The following PID1 variants were observed in gnomAD, a reference collection of about 807,000 sequenced individuals.
The protein encoded by PID1 is PTB-containing, cubilin and LRP1-interacting protein.
In PID1, 10 loss-of-function variants were observed where a neutral mutation model predicts 19.1. The ratio of observed to expected loss-of-function variants is 0.52; its 90% CI spans 0.32 to 0.89. PID1 has a LOEUF of 0.89. Among genes scored for constraint, PID1 ranks in the 40% least tolerant of loss-of-function variants. The pLI, the probability that PID1 is intolerant of heterozygous loss-of-function variation, is 0.03. For missense variants in PID1, 248 were observed against 285.3 expected (o/e 0.87, Z 0.94); for synonymous variants, 130 against 116.0 (o/e 1.12, Z -0.78).
At chr2:229,080,286 T>C (rs537687319) in intron 2 of PID1, among the ~76,000 whole-genome samples, 5 of 152,322 alleles carry the variant, frequency 3.3e-5, no homozygotes, top group African/African-American at 1.2e-4. Flanking sequence ...ATCTGGCTTC[T>C]ACCTACCTTT....
chr2:229,221,505 C>A (rs538141900), intron 1 of PID1, among the ~76,000 whole-genome samples: 170 of 152,260 alleles, frequency 1.1e-3, no homozygotes, highest in African/African-American at 4.0e-3. Flanking sequence ...ATCTGCACAT[C>A]TACCTCAAAC....
At chr2:229,178,514 T>C (rs944261194) in intron 1 of PID1, among the ~76,000 whole-genome samples, 1 of 152,216 alleles carries the variant, frequency 6.6e-6, no homozygotes, top group African/African-American at 2.4e-5. Flanking sequence ...GATTATCTTA[T>C]TGTCCCAACA....
chr2:229,190,877 AT>A (rs1691246684), intron 1 of PID1, among the ~76,000 whole-genome samples: 1 of 152,180 alleles, frequency 6.6e-6, no homozygotes. Flanking sequence ...CATCACCCCC[AT>A]AGAGGCAAAA....
At chr2:229,130,622 C>T (rs909848835) in intron 2 of PID1, among the ~76,000 whole-genome samples, 2 of 152,002 alleles carry the variant, frequency 1.3e-5, no homozygotes, top group Non-Finnish European at 2.9e-5. Context: ...TTTAGAGGCT[C>T]GTCAAAGTTC....
chr2:229,225,110 A>G (rs1471800278), intron 1 of PID1, among the ~76,000 whole-genome samples: 2 of 152,138 alleles, frequency 1.3e-5, no homozygotes, highest in African/African-American at 2.4e-5. Flanking sequence ...TTCTCATACC[A>G]TAAAGGTAAG....
intron 2 of PID1, among the ~76,000 whole-genome samples, chr2:229,115,126 G>A (rs1246254335): frequency 6.6e-6 from 1 of 152,022 alleles, no homozygotes; most frequent in Admixed American, 6.5e-5. Flanking sequence ...ACCAAAACAA[G>A]CAGCTACACT....
chr2:229,069,143 T>TTTTTGTGTGTG (rs369977117), intron 2 of PID1, among the ~76,000 whole-genome samples: 4 of 140,630 alleles, frequency 2.8e-5, no homozygotes, highest in African/African-American at 8.0e-5. Context: ...AGAAGGGTTT[T>TTTTTGTGTGTG]TGTGTGTGTG....
At chr2:229,183,544 C>T (rs1334490062) in intron 1 of PID1, among the ~76,000 whole-genome samples, 1 of 152,086 alleles carries the variant, frequency 6.6e-6, no homozygotes, top group Non-Finnish European at 1.5e-5. Flanking sequence ...TAGTTGAAGG[C>T]CTAAATAAAA....
At chr2:229,167,780 C>T (rs988237286) in intron 1 of PID1, among the ~76,000 whole-genome samples, 8 of 151,944 alleles carry the variant, frequency 5.3e-5, no homozygotes, top group Non-Finnish European at 7.4e-5. Flanking sequence ...CATTTGGGGA[C>T]GCTTGAAAAT....
chr2:229,082,481 G>A lies in PID1; in HGVS notation c.178-56373C>T, dbSNP rs367816146. Among the ~76,000 whole-genome samples the A allele has an allele frequency of 5.3e-4, 81 of 152,282 alleles. No individual in the cohort carries two copies. The South Asian group carries it at 0.01, about 19-fold the overall frequency. Reference sequence around the variant, plus strand: ...GTTGACCTTAAGAAAAGGAGATGACGCAAGTGGGTTTAATCATATGAATTT... The same window carrying A: ...GTTGACCTTAAGAAAAGGAGATGACACAAGTGGGTTTAATCATATGAATTT... On this transcript the variant is annotated intron_variant, in intron 2 of 2. Transcript: ENST00000392055.
chr2:229,104,824 G>A (rs999268884), intron 2 of PID1, among the ~76,000 whole-genome samples: 9 of 152,200 alleles, frequency 5.9e-5, no homozygotes, highest in Admixed American at 4.6e-4. Context: ...AATAACCCAT[G>A]TGAAGCATTT....
intron 1 of PID1, among the ~76,000 whole-genome samples, chr2:229,254,413 A>C (rs1690238013): frequency 6.6e-6 from 1 of 152,254 alleles, no homozygotes; most frequent in Non-Finnish European, 1.5e-5. Context: ...CTATTACCCA[A>C]GTCTGCGTTA....
At chr2:229,181,952 C>A (rs2109819) in intron 1 of PID1, among the ~76,000 whole-genome samples, 16,313 of 152,196 alleles carry the variant, frequency 0.11, 1,146 homozygotes, top group East Asian at 0.4. Context: ...TGAAGCCAAT[C>A]TGAGAAGGCC....
intron 1 of PID1, among the ~76,000 whole-genome samples, chr2:229,260,378 G>T (rs1232640057): frequency 6.6e-6 from 1 of 151,918 alleles, no homozygotes. Context: ...CTACACAGGT[G>T]CTAAAAGGAA....
intron 1 of PID1, among the ~76,000 whole-genome samples, chr2:229,239,278 A>G (rs1689806444): frequency 6.6e-6 from 1 of 152,100 alleles, no homozygotes; most frequent in Non-Finnish European, 1.5e-5. Context: ...CTGAGGACCA[A>G]TTAGAGAACC....
chr2:229,231,062 A>C (rs538961082), intron 1 of PID1, among the ~76,000 whole-genome samples: 2 of 152,266 alleles, frequency 1.3e-5, no homozygotes, highest in African/African-American at 4.8e-5. Flanking sequence ...TGAGCTGCTA[A>C]GTTCTCGCCC....
intron 1 of PID1, among the ~76,000 whole-genome samples, chr2:229,255,377 T>C (rs1477310677): frequency 6.6e-6 from 1 of 152,190 alleles, no homozygotes; most frequent in Non-Finnish European, 1.5e-5. Flanking sequence ...AGCAGTAAGT[T>C]TGCTCCCAAG....
At chr2:229,223,481 C>G (rs954942496) in intron 1 of PID1, among the ~76,000 whole-genome samples, 4 of 152,152 alleles carry the variant, frequency 2.6e-5, no homozygotes, top group Admixed American at 6.5e-5. Flanking sequence ...TTCCCGGTGT[C>G]TTTTATTATT....
chr2:229,113,596 ATGTGTGTGTG>A (rs3083856), intron 2 of PID1, among the ~76,000 whole-genome samples: 4 of 141,976 alleles, frequency 2.8e-5, no homozygotes, highest in Admixed American at 7.0e-5. Context: ...GTATGCATAT[ATGTGTGTGTG>A]TGTGTGTGTG....
Sources: gnomAD v4.1 joint callset for allele counts (sites outside exome capture counted in the v4.1 genomes callset) on GRCh38, gnomAD v4.1.1 for gene constraint, MANE v1.5 for transcripts, NCBI Gene and HGNC (gene_info 2026-07-23, HGNC 2026-07-21) for gene names.